Variants in WDR49 observed in about 807,000 individuals in gnomAD.
WDR49 encodes the protein cilia- and flagella-associated protein 337.
Under a neutral mutation model 119.5 loss-of-function variants are expected in WDR49, and 107 were observed. The ratio of observed to expected loss-of-function variants is 0.90; its 90% CI spans 0.77 to 1.05. WDR49 has a LOEUF of 1.05. Among genes scored for constraint, WDR49 ranks in the 50% least tolerant of loss-of-function variants. The pLI, the probability that WDR49 is intolerant of heterozygous loss-of-function variation, is 0.00. For synonymous variants in WDR49, 425 were observed against 418.8 expected, an observed-to-expected ratio of 1.01 and a Z score of -0.18; for missense variants, 1,240 against 1,220.5, an observed-to-expected ratio of 1.02 and a Z score of -0.24.
chr3:167,575,128 G>T (rs1714163752), intron 8 of WDR49: 2 of 985,236 alleles, frequency 2.0e-6, no homozygotes, highest in Non-Finnish European at 2.4e-6. Flanking sequence ...CTGGAGACTT[G>T]CTTCTGCTTG....
chr3:167,548,938 C>A (rs1204001600), intron 10 of WDR49, among the ~76,000 whole-genome samples: 2 of 151,994 alleles, frequency 1.3e-5, no homozygotes, highest in African/African-American at 4.8e-5. Flanking sequence ...TGAGAACATG[C>A]AGTGTTTGGT....
intron 2 of WDR49, 100 bp from the exon 3 acceptor site, chr3:167,627,392 C>T: frequency 2.7e-6 from 3 of 1,094,034 alleles, no homozygotes; most frequent in African/African-American, 1.6e-5. Flanking sequence ...ATCAGCAATT[C>T]TGCCAACATG....
intron 2 of WDR49, among the ~76,000 whole-genome samples, chr3:167,651,317 C>G (rs1180335831): frequency 6.6e-6 from 1 of 152,112 alleles, no homozygotes; most frequent in Non-Finnish European, 1.5e-5. Context: ...GTAACTGGAC[C>G]ACAAATCACT....
rs553362443 is a variant in WDR49, at chr3:167,500,069, A to T, written c.3031+84T>A. The stretch of plus-strand genomic sequence containing the variant: ...GCAAACTACAAGACAAACACTTGTT[A>T]TTTTCATGCTCTTCTACTCTATTTT... On this transcript the variant is annotated intron_variant, in intron 18 of 18. Coordinates refer to ENST00000682715, the MANE Select transcript of WDR49 (RefSeq NM_001366157.1). The T allele has an allele frequency of 9.4e-6, 13 of 1,387,568 alleles. No homozygotes were observed. The East Asian group carries it at 2.9e-4, about 31-fold the overall frequency. 86.0% of individuals were successfully genotyped at this position (1,387,568 alleles called of 1,614,324 possible).
chr3:167,498,678 C>G (rs1394226486), intron 18 of WDR49, among the ~76,000 whole-genome samples: 1 of 152,102 alleles, frequency 6.6e-6, no homozygotes, highest in Non-Finnish European at 1.5e-5. Context: ...AGAGCACCCT[C>G]CAGAGAAATA....
At chr3:167,557,721 G>A (rs906034428) in intron 9 of WDR49, among the ~76,000 whole-genome samples, 2 of 145,804 alleles carry the variant, frequency 1.4e-5, no homozygotes, top group African/African-American at 5.1e-5. Context: ...CCACTGCACT[G>A]CAGCCTGGGC....
At chr3:167,523,382 CT>C (rs200074707) in intron 15 of WDR49, among the ~76,000 whole-genome samples, 177 of 145,540 alleles carry the variant, frequency 1.2e-3, no homozygotes, top group Middle Eastern at 3.6e-3. Context: ...GACATACATT[CT>C]TTTTTTTTTT....
intron 16 of WDR49, among the ~76,000 whole-genome samples, chr3:167,520,282 A>G (rs1363685875): frequency 1.3e-5 from 2 of 152,102 alleles, no homozygotes; most frequent in African/African-American, 4.8e-5. Flanking sequence ...TGAGTTTGTC[A>G]TAAGGAATGG....
intron 16 of WDR49, among the ~76,000 whole-genome samples, chr3:167,512,596 C>G (rs1752021972): frequency 6.6e-6 from 1 of 152,162 alleles, no homozygotes; most frequent in Non-Finnish European, 1.5e-5. Flanking sequence ...CGGCACAGAA[C>G]TGGGCTGAGG....
intron 10 of WDR49, among the ~76,000 whole-genome samples, chr3:167,537,323 T>G (rs534337608): frequency 6.6e-6 from 1 of 152,272 alleles, no homozygotes; most frequent in African/African-American, 2.4e-5. Flanking sequence ...ATGGGTATTA[T>G]GAAATCACCG....
chr3:167,553,088 G>A (rs923294729), intron 10 of WDR49, among the ~76,000 whole-genome samples: 1 of 151,856 alleles, frequency 6.6e-6, no homozygotes, highest in Non-Finnish European at 1.5e-5. Flanking sequence ...ATGCCTCCTG[G>A]TAAAAAGAAT....
intron 8 of WDR49, among the ~76,000 whole-genome samples, chr3:167,561,518 T>C (rs1237051210): frequency 6.6e-6 from 1 of 152,162 alleles, no homozygotes; most frequent in Non-Finnish European, 1.5e-5. Context: ...TGCTAAAAAA[T>C]GTTTCAAGTT....
Position 167,532,934 on chromosome 3 carries a change from C to T in WDR49, c.1998G>A (p.Glu666=). 1 of 1,609,858 alleles carries T rather than the reference C, an allele frequency of 6.2e-7. No individual in the cohort carries two copies. Among genetic ancestry groups the T allele is most frequent in the Non-Finnish European group, 8.5e-7 (1 of 1,177,202 alleles). Residue 666 remains glutamate (E), a synonymous_variant, in exon 12 of 19, where the codon GAG becomes GAA. Transcript: ENST00000682715. ...CAGGGTGAAGAACATGGTGAGCATT[C>T]TCTGTGCTATTGTTCCATAGAACAA... is the stretch of plus-strand genomic sequence containing the variant. ...GEIVLWNNST[E]NAHHVLHPDY...
chr3:167,606,945 T>C (rs1716089945), intron 5 of WDR49, among the ~76,000 whole-genome samples: 1 of 152,170 alleles, frequency 6.6e-6, no homozygotes, highest in South Asian at 2.1e-4. Context: ...TACAAGACAC[T>C]GTCCATTTTT....
intron 18 of WDR49, among the ~76,000 whole-genome samples, chr3:167,494,514 C>G (rs1019036366): frequency 1.3e-5 from 2 of 151,918 alleles, no homozygotes; most frequent in African/African-American, 4.8e-5. Context: ...TGTTTAAAGC[C>G]ATCAGAAGGC....
At chr3:167,630,945 T>C (rs1014662703) in intron 2 of WDR49, among the ~76,000 whole-genome samples, 1 of 152,106 alleles carries the variant, frequency 6.6e-6, no homozygotes, top group African/African-American at 2.4e-5. Flanking sequence ...ACAGCCTTCT[T>C]AGGCTTAGGA....
chr3:167,497,033 ATTTCC>A (rs1751381039), intron 18 of WDR49, among the ~76,000 whole-genome samples: 1 of 151,996 alleles, frequency 6.6e-6, no homozygotes, highest in South Asian at 2.1e-4. Flanking sequence ...CTTCCTCACT[ATTTCC>A]TTGTTTTCTC....
At chr3:167,522,685 G>A (rs1752497324) in intron 15 of WDR49, among the ~76,000 whole-genome samples, 1 of 152,068 alleles carries the variant, frequency 6.6e-6, no homozygotes, top group Admixed American at 6.6e-5. Context: ...TTTAATAAAG[G>A]TAGAAAATGA....
At chr3:167,636,155 C>T (rs184134132) in intron 2 of WDR49, among the ~76,000 whole-genome samples, 63 of 151,668 alleles carry the variant, frequency 4.2e-4, no homozygotes, top group African/African-American at 1.4e-3. Context: ...TTCATTGTAT[C>T]ATTCTTACGC....
Sources: gnomAD v4.1 joint callset for allele counts (sites outside exome capture counted in the v4.1 genomes callset) on GRCh38, gnomAD v4.1.1 for gene constraint, MANE v1.5 for transcripts, NCBI Gene and HGNC (gene_info 2026-07-23, HGNC 2026-07-21) for gene names.